The following RBM47 variants were observed in gnomAD, a reference collection of about 807,000 sequenced individuals.
RBM47 encodes RNA-binding protein 47.
In RBM47, 21 loss-of-function variants were observed where a neutral mutation model predicts 47.1. That is an observed-to-expected ratio of 0.45 (90% confidence interval 0.32 to 0.64). The LOEUF is 0.64. Ranked by LOEUF, RBM47 falls within the 30% of genes least tolerant of loss-of-function variation. The pLI is 0.05. For missense variants in RBM47, 708 were observed against 870.9 expected (o/e 0.81, Z 2.35); for synonymous variants, 375 against 361.7 (o/e 1.04, Z -0.42).
chr4:40,564,769 G>C (rs10517546), intron 1 of RBM47, among the ~76,000 whole-genome samples: 13,331 of 152,238 alleles, frequency 0.088, 801 homozygotes, highest in Non-Finnish European at 0.14. Flanking sequence ...TCAAAGAGAG[G>C]ATATTAGAAA....
intron 4 of RBM47, 109 bp from the exon 5 acceptor site, chr4:40,436,756 G>GTA: frequency 9.6e-7 from 1 of 1,038,414 alleles, no homozygotes; most frequent in Non-Finnish European, 1.5e-6. Flanking sequence ...AATTGCAGGT[G>GTA]GCTACACCTT....
chr4:40,501,984 C>T (rs1263068288), intron 2 of RBM47: 1 of 154,242 alleles, frequency 6.5e-6, no homozygotes, highest in Non-Finnish European at 1.5e-5. Context: ...CACTCAACAC[C>T]ACCACAAGCC....
At position 40,437,073 on chromosome 4, in the gene RBM47, C is replaced by CAAAA. The variant is rs750922605; in HGVS notation, c.1124-430_1124-427dup. On this transcript the variant is annotated intron_variant, in intron 4 of 6. Transcript: ENST00000295971. ...TGGGGAGCATGGTGAGACCCTGTCT[C>CAAAA]AAAAAAAAAAAAAAAAAATATATAT... Among the ~76,000 whole-genome samples, 6 of 21,292 alleles carry CAAAA rather than the reference C, an allele frequency of 2.8e-4. 1 individual carries two copies. Among genetic ancestry groups the CAAAA allele is most frequent in the African/African-American group, 1.3e-3 (6 of 4,466 alleles). The allele number at this position is 21,292 out of a possible 152,430, so 14.0% of individuals were successfully genotyped here.
chr4:40,610,565 G>A (rs943665989), intron 1 of RBM47, among the ~76,000 whole-genome samples: 9 of 144,288 alleles, frequency 6.2e-5, no homozygotes, highest in Non-Finnish European at 1.1e-4. Context: ...AGCCGAGATC[G>A]CGCCACTGCA....
intron 2 of RBM47, among the ~76,000 whole-genome samples, chr4:40,474,080 G>A (rs1231190627): frequency 3.9e-5 from 6 of 152,178 alleles, no homozygotes; most frequent in Non-Finnish European, 7.3e-5. Context: ...TGGGTGCTGA[G>A]GGCTGACTTG....
intron 2 of RBM47, among the ~76,000 whole-genome samples, chr4:40,535,378 T>TTTTC (rs1727855336): frequency 7.3e-6 from 1 of 136,964 alleles, no homozygotes; most frequent in African/African-American, 2.9e-5. Flanking sequence ...TTTCTTTTTT[T>TTTTC]TTTTTTTTTT....
Position 40,620,413 on chromosome 4 carries a change from G to A in RBM47, c.-240+8983C>T, listed in dbSNP as rs181897764. Among the ~76,000 whole-genome samples, 101 of 151,906 alleles carry A rather than the reference G, an allele frequency of 6.6e-4. 1 individual carries two copies. Among genetic ancestry groups the A allele is most frequent in the African/African-American group, 2.3e-3 (94 of 41,402 alleles). The stretch of plus-strand genomic sequence containing the variant: ...CCAGCTAGCCAGGAGGCTGAGGCAG[G>A]AGAATGGCTTGAGCCTGGGAGGTGG... On this transcript the variant is annotated intron_variant, in intron 1 of 6. Transcript: ENST00000295971.
At chr4:40,611,421 A>G (rs1486540227) in intron 1 of RBM47, among the ~76,000 whole-genome samples, 1 of 152,208 alleles carries the variant, frequency 6.6e-6, no homozygotes, top group Non-Finnish European at 1.5e-5. Context: ...TACTCAAAAG[A>G]AAACAACAAC....
intron 1 of RBM47, among the ~76,000 whole-genome samples, chr4:40,591,512 T>G (rs1734129795): frequency 6.6e-6 from 1 of 151,922 alleles, no homozygotes; most frequent in Non-Finnish European, 1.5e-5. Flanking sequence ...CTGGCCAACA[T>G]GGTGAAACCC....
At chr4:40,443,773 C>T (rs1484678546) in intron 3 of RBM47, among the ~76,000 whole-genome samples, 1 of 108,084 alleles carries the variant, frequency 9.3e-6, no homozygotes, top group Non-Finnish European at 1.9e-5. Context: ...CTCAGGTTAA[C>T]ACATTCAAGA....
At chr4:40,494,205 C>G (rs141949375) in intron 2 of RBM47, among the ~76,000 whole-genome samples, 14 of 152,216 alleles carry the variant, frequency 9.2e-5, no homozygotes, top group Admixed American at 2.0e-4. Context: ...TAATACACGG[C>G]AGAATGGCAT....
intron 2 of RBM47, among the ~76,000 whole-genome samples, chr4:40,531,893 G>T (rs1226584642): frequency 6.6e-6 from 1 of 152,118 alleles, no homozygotes; most frequent in East Asian, 1.9e-4. Flanking sequence ...GTGAGGCAGG[G>T]GGGTGAGGAC....
intron 3 of RBM47, among the ~76,000 whole-genome samples, chr4:40,444,796 C>T (rs184053551): frequency 1.3e-5 from 2 of 151,712 alleles, no homozygotes; most frequent in African/African-American, 2.4e-5. Flanking sequence ...TCCTGAGTAG[C>T]TGGTATTACA....
intron 1 of RBM47, among the ~76,000 whole-genome samples, chr4:40,566,849 AG>A (rs1731153440): frequency 6.6e-6 from 1 of 151,860 alleles, no homozygotes; most frequent in Non-Finnish European, 1.5e-5. Flanking sequence ...CTACCTCATA[AG>A]GAGTGTATGC....
At chr4:40,607,884 T>C (rs1214988252) in intron 1 of RBM47, among the ~76,000 whole-genome samples, 1 of 152,054 alleles carries the variant, frequency 6.6e-6, no homozygotes, top group Admixed American at 6.6e-5. Context: ...GCGGAAAGAT[T>C]GCCTGTGTTC....
chr4:40,569,435 A>T (rs1476812866), intron 1 of RBM47, among the ~76,000 whole-genome samples: 1 of 145,888 alleles, frequency 6.9e-6, no homozygotes, highest in Non-Finnish European at 1.5e-5. Flanking sequence ...TTTGAGACGG[A>T]GTCTGGCTCT....
At chr4:40,612,644 T>C (rs1363506690) in intron 1 of RBM47, among the ~76,000 whole-genome samples, 1 of 152,236 alleles carries the variant, frequency 6.6e-6, no homozygotes, top group Admixed American at 6.5e-5. Flanking sequence ...GTAGGACTTT[T>C]GTGACCTTAA....
At chr4:40,558,524 C>CA (rs1198741417) in intron 1 of RBM47, among the ~76,000 whole-genome samples, 34,072 of 92,326 alleles carry the variant, frequency 0.37, 5,158 homozygotes, top group South Asian at 0.43. Flanking sequence ...ATTAAAACTA[C>CA]AAAAAAAAAA....
chr4:40,424,706 C>T lies in RBM47; in HGVS notation c.*1198G>A, dbSNP rs1714782213. 6.6e-6 allele frequency: 1 copy of T among 152,056 alleles called. No homozygotes were observed. Among genetic ancestry groups the T allele is most frequent in the African/African-American group, 2.4e-5 (1 of 41,384 alleles). The allele number at this position is 152,056 out of a possible 1,614,324, so 9.4% of individuals were successfully genotyped here. Reference sequence around the variant, plus strand: ...TAATGTTTCCAACACCCTTGAGGACCATGGACAGTTTTGCAAGAAACATGG... The same window carrying T: ...TAATGTTTCCAACACCCTTGAGGACTATGGACAGTTTTGCAAGAAACATGG... On this transcript the variant is annotated 3_prime_UTR_variant, in exon 7 of 7. Transcript: ENST00000295971.
Sources: allele counts gnomAD v4.1 joint callset (sites outside exome capture counted in the v4.1 genomes callset), GRCh38; gene constraint gnomAD v4.1.1; transcripts MANE v1.5; gene names NCBI Gene and HGNC (gene_info 2026-07-23, HGNC 2026-07-21).